Variants in PACRG observed in about 807,000 individuals in gnomAD.
PACRG encodes parkin coregulated gene protein.
A neutral mutation model predicts 29.7 loss-of-function variants in PACRG; 29 were observed. That is an observed-to-expected ratio of 0.98 (90% CI 0.73 to 1.33). The LOEUF (loss-of-function observed/expected upper bound fraction) is 1.33, where lower values mean the gene tolerates loss of function less well. Ranked by LOEUF, PACRG falls within the 40% of genes most tolerant of loss-of-function variation. The probability of loss-of-function intolerance (pLI) is 0.00; values close to 1 mark genes in which losing one functional copy is unlikely to be tolerated. For missense variants in PACRG, 279 were observed against 316.2 expected (o/e 0.88, Z 0.89); for synonymous variants, 116 against 118.7 (o/e 0.98, Z 0.15).
At position 163,078,239 on chromosome 6, in the gene PACRG, A is replaced by T. The variant is rs549133685; in HGVS notation, c.464-11020A>T. On this transcript the variant is annotated intron_variant, in intron 3 of 4. Transcript: ENST00000366888. Reference sequence around the variant, plus strand: ...AATAGGACCGGGCGCAGTGGCTCACACCTGTAATCCCAGCACTCTGGGAGG... The same window carrying T: ...AATAGGACCGGGCGCAGTGGCTCACTCCTGTAATCCCAGCACTCTGGGAGG... Among the ~76,000 whole-genome samples the T allele has an allele frequency of 2.2e-4, 34 of 152,186 alleles. No homozygotes were observed. The South Asian group carries it at 6.7e-3, about 30-fold the overall frequency.
At chr6:163,274,016 T>C (rs1361005775) in intron 4 of PACRG, among the ~76,000 whole-genome samples, 2 of 152,194 alleles carry the variant, frequency 1.3e-5, no homozygotes, top group African/African-American at 4.8e-5. Flanking sequence ...TTATGTTGTT[T>C]TCTTTTTCTT....
At chr6:162,948,935 A>G (rs1799445777) in intron 2 of PACRG, among the ~76,000 whole-genome samples, 1 of 152,148 alleles carries the variant, frequency 6.6e-6, no homozygotes, top group South Asian at 2.1e-4. Flanking sequence ...AGTATGGAAA[A>G]CAGTATGGAA....
intron 2 of PACRG, among the ~76,000 whole-genome samples, chr6:162,947,359 AATG>A (rs1562765775): frequency 0.03 from 1,085 of 36,672 alleles, 173 homozygotes; most frequent in African/African-American, 0.075. Flanking sequence ...ACATATATAT[AATG>A]TAATCATATA....
chr6:162,956,599 A>G (rs1800057967), intron 2 of PACRG, among the ~76,000 whole-genome samples: 1 of 152,158 alleles, frequency 6.6e-6, no homozygotes, highest in Non-Finnish European at 1.5e-5. Context: ...GCGGGGCAGA[A>G]TCCCTCCTCG....
At chr6:163,287,998 G>A (rs1268803498) in intron 4 of PACRG, among the ~76,000 whole-genome samples, 1 of 152,248 alleles carries the variant, frequency 6.6e-6, no homozygotes, top group South Asian at 2.1e-4. Context: ...AGGCCTCCGG[G>A]TTCTTGCTTT....
chr6:162,982,498 G>T (rs570571143), intron 2 of PACRG, among the ~76,000 whole-genome samples: 1 of 152,016 alleles, frequency 6.6e-6, no homozygotes, highest in East Asian at 1.9e-4. Context: ...TTCATAAGTT[G>T]TGTCACTATT....
intron 2 of PACRG, among the ~76,000 whole-genome samples, chr6:162,871,656 C>T (rs1014230982): frequency 1.3e-5 from 2 of 151,862 alleles, no homozygotes; most frequent in Admixed American, 1.3e-4. Context: ...CGGTGGCTCA[C>T]GCCTGTAATC....
intron 2 of PACRG, among the ~76,000 whole-genome samples, chr6:162,912,926 A>C (rs1514333): frequency 0.42 from 61,171 of 145,060 alleles, 14,069 homozygotes; most frequent in African/African-American, 0.68. Flanking sequence ...AACAAACAAA[A>C]AAAAAAAAAA....
intron 4 of PACRG, among the ~76,000 whole-genome samples, chr6:163,237,409 TATATAC>T (rs1007425915): frequency 1.1e-4 from 17 of 152,226 alleles, no homozygotes; most frequent in Non-Finnish European, 1.6e-4. Flanking sequence ...AAGTATTTTT[TATATAC>T]ATATTTTCTA....
intron 2 of PACRG, among the ~76,000 whole-genome samples, chr6:162,923,120 G>A (rs942703268): frequency 6.6e-6 from 1 of 152,146 alleles, no homozygotes; most frequent in African/African-American, 2.4e-5. Context: ...TTTCCCTGAT[G>A]ATTAGTGATG....
At chr6:163,012,187 T>G (rs1159351754) in intron 2 of PACRG, among the ~76,000 whole-genome samples, 1 of 152,264 alleles carries the variant, frequency 6.6e-6, no homozygotes, top group East Asian at 1.9e-4. Context: ...GTACCCCTTT[T>G]ATTCTAATCC....
At chr6:163,278,119 G>A (rs1585394447) in intron 4 of PACRG, among the ~76,000 whole-genome samples, 1 of 152,168 alleles carries the variant, frequency 6.6e-6, no homozygotes, top group South Asian at 2.1e-4. Context: ...ATGCTTGTTG[G>A]TCATTCATAT....
intron 4 of PACRG, among the ~76,000 whole-genome samples, chr6:163,122,286 T>TACACACACACAC (rs57013650): frequency 0.18 from 27,019 of 150,952 alleles, 2,406 homozygotes; most frequent in South Asian, 0.28. Flanking sequence ...TTAACGCATT[T>TACACACACACAC]ACACACACAC....
chr6:162,731,028 A>G (rs2128247899), intron 1 of PACRG, among the ~76,000 whole-genome samples: 1 of 152,298 alleles, frequency 6.6e-6, no homozygotes, highest in East Asian at 1.9e-4. Flanking sequence ...TTATGGTGAC[A>G]GAGAAGTTGA....
At chr6:162,793,979 C>G (rs997506122) in intron 1 of PACRG, among the ~76,000 whole-genome samples, 2 of 152,116 alleles carry the variant, frequency 1.3e-5, no homozygotes, top group Non-Finnish European at 2.9e-5. Context: ...CACATGTACC[C>G]TTGAACTTAA....
intron 4 of PACRG, among the ~76,000 whole-genome samples, chr6:163,257,232 C>G (rs1331486066): frequency 6.6e-6 from 1 of 151,942 alleles, no homozygotes; most frequent in Non-Finnish European, 1.5e-5. Context: ...ACAACTCAAC[C>G]CCGTACATGT....
intron 4 of PACRG, among the ~76,000 whole-genome samples, chr6:163,118,735 A>G (rs12213325): frequency 0.028 from 4,315 of 152,310 alleles, 92 homozygotes; most frequent in Non-Finnish European, 0.045. Flanking sequence ...TAATAAGGTA[A>G]CAGAAGTTCC....
chr6:163,039,225 C>T (rs1808476249), intron 2 of PACRG, among the ~76,000 whole-genome samples: 1 of 152,168 alleles, frequency 6.6e-6, no homozygotes, highest in Non-Finnish European at 1.5e-5. Flanking sequence ...TGCCTTGCTC[C>T]CCCTTCAGCT....
At chr6:162,921,658 T>C (rs1190313528) in intron 2 of PACRG, among the ~76,000 whole-genome samples, 1 of 152,134 alleles carries the variant, frequency 6.6e-6, no homozygotes, top group African/African-American at 2.4e-5. Context: ...CCCCATTTAC[T>C]TTTAGTTGAC....
Sources: gnomAD v4.1 joint callset for allele counts (sites outside exome capture counted in the v4.1 genomes callset) on GRCh38, gnomAD v4.1.1 for gene constraint, MANE v1.5 for transcripts, NCBI Gene and HGNC (gene_info 2026-07-23, HGNC 2026-07-21) for gene names.